Variants in SLC25A26 observed in about 807,000 individuals in gnomAD.
SLC25A26 encodes the protein mitochondrial S-adenosylmethionine carrier protein.
Under a neutral mutation model 37.8 loss-of-function variants are expected in SLC25A26, and 36 were observed. That is an observed-to-expected ratio of 0.95 (90% CI 0.73 to 1.26). The LOEUF (loss-of-function observed/expected upper bound fraction) is 1.26, where lower values mean the gene tolerates loss of function less well. Among genes scored for constraint, SLC25A26 ranks in the 50% most tolerant of loss-of-function variants. The pLI, the probability that SLC25A26 is intolerant of heterozygous loss-of-function variation, is 0.00. For synonymous variants in SLC25A26, 129 were observed against 122.5 expected (o/e 1.05, Z -0.35); for missense variants, 390 against 331.1 (o/e 1.18, Z -1.38).
chr3:66,377,512 AGTT>A (rs1201733538), intron 9 of SLC25A26, among the ~76,000 whole-genome samples, 175 bp from the exon 10 acceptor site: 1 of 151,970 alleles, frequency 6.6e-6, no homozygotes, highest in Non-Finnish European at 1.5e-5. Context: ...ATGGCATGAA[AGTT>A]TTAGAACTAC....
intron 1 of SLC25A26, among the ~76,000 whole-genome samples, chr3:66,194,024 A>G (rs2070995819): frequency 1.3e-5 from 2 of 152,212 alleles, no homozygotes; most frequent in African/African-American, 4.8e-5. Flanking sequence ...TAAAGGAACG[A>G]TAAGTTGACA....
intron 5 of SLC25A26, among the ~76,000 whole-genome samples, chr3:66,307,691 G>A (rs745367068): frequency 6.6e-6 from 1 of 152,208 alleles, no homozygotes; most frequent in Non-Finnish European, 1.5e-5. Flanking sequence ...GTATAAGGAA[G>A]GGGTCCAGTT....
intron 5 of SLC25A26, among the ~76,000 whole-genome samples, chr3:66,290,546 G>C (rs1034763543): frequency 5.3e-5 from 8 of 152,142 alleles, no homozygotes; most frequent in African/African-American, 1.9e-4. Flanking sequence ...TTTTATTGAA[G>C]GCCTTTTCTG....
intron 5 of SLC25A26, among the ~76,000 whole-genome samples, chr3:66,343,230 G>T (rs765472681): frequency 6.6e-6 from 1 of 152,196 alleles, no homozygotes; most frequent in Non-Finnish European, 1.5e-5. Flanking sequence ...TCTTTCACAT[G>T]TGTGGAACAC....
At chr3:66,365,196 C>T (rs561752292) in intron 7 of SLC25A26, among the ~76,000 whole-genome samples, 31 of 152,314 alleles carry the variant, frequency 2.0e-4, no homozygotes, top group African/African-American at 5.1e-4. Context: ...GCCATAAAAG[C>T]AGTGATGAAA....
At chr3:66,208,442 C>T (rs2071209128) in intron 1 of SLC25A26, among the ~76,000 whole-genome samples, 1 of 151,818 alleles carries the variant, frequency 6.6e-6, no homozygotes, top group South Asian at 2.1e-4. Flanking sequence ...AAGAGATTGC[C>T]ACATGGATTT....
At position 66,363,663 on chromosome 3, in the gene SLC25A26, G is replaced by A. The variant is rs556883456; in HGVS notation, c.568+734G>A. 8.5e-5 allele frequency among the ~76,000 whole-genome samples: 13 copies of A among 152,316 alleles called. No individual in the cohort carries two copies. The East Asian group carries it at 1.2e-3, about 14-fold the overall frequency. Reference sequence around the variant, plus strand: ...TATAGTTGAAATACAATGGAAATTTGCCAGAAAAGGAAACTTTTAGTTGAG... The same window carrying A: ...TATAGTTGAAATACAATGGAAATTTACCAGAAAAGGAAACTTTTAGTTGAG... On this transcript the variant is annotated intron_variant, in intron 7 of 9. Coordinates refer to ENST00000354883, the MANE Select transcript of SLC25A26 (RefSeq NM_001379210.1).
At chr3:66,209,065 TACACACACACACCC>T (rs2071230901) in intron 1 of SLC25A26, among the ~76,000 whole-genome samples, 19 of 27,738 alleles carry the variant, frequency 6.8e-4, no homozygotes, top group South Asian at 2.2e-3. Context: ...TATATATATA[TACACACACACACCC>T]ATATAAAGAT....
At chr3:66,290,492 A>G (rs2074668171) in intron 5 of SLC25A26, among the ~76,000 whole-genome samples, 1 of 152,178 alleles carries the variant, frequency 6.6e-6, no homozygotes, top group South Asian at 2.1e-4. Context: ...ACGTCCCATC[A>G]ATGCCTGGTT....
chr3:66,305,498 G>A (rs2107577530), intron 5 of SLC25A26, among the ~76,000 whole-genome samples: 1 of 152,220 alleles, frequency 6.6e-6, no homozygotes, highest in Non-Finnish European at 1.5e-5. Context: ...TGTAGGATAT[G>A]CAGCTTTGTT....
At chr3:66,232,272 C>T (rs370100952) in intron 1 of SLC25A26, among the ~76,000 whole-genome samples, 83 of 152,076 alleles carry the variant, frequency 5.5e-4, no homozygotes, top group African/African-American at 1.9e-3. Flanking sequence ...TTGATAATGA[C>T]AGAGAATCAT....
At chr3:66,230,391 G>GACTCTA in intron 1 of SLC25A26, among the ~76,000 whole-genome samples, 1 of 152,178 alleles carries the variant, frequency 6.6e-6, no homozygotes, top group African/African-American at 2.4e-5. Context: ...ATGTGGCATT[G>GACTCTA]GGTTGCAGCT....
chr3:66,156,960 T>A (rs1180049653), intron 1 of SLC25A26, among the ~76,000 whole-genome samples: 3 of 152,158 alleles, frequency 2.0e-5, no homozygotes, highest in Non-Finnish European at 4.4e-5. Flanking sequence ...TGGCCGGGCA[T>A]GGTAGCTCAC....
intron 1 of SLC25A26, among the ~76,000 whole-genome samples, chr3:66,211,949 ACT>A (rs2071289635): frequency 6.6e-6 from 1 of 152,104 alleles, no homozygotes; most frequent in African/African-American, 2.4e-5. Flanking sequence ...CCCAACTGAT[ACT>A]CTGTAACAAT....
Position 66,377,871 on chromosome 3 carries a change from G to A in SLC25A26, c.*64G>A, listed in dbSNP as rs1204856630. The A allele has an allele frequency of 1.6e-5, 19 of 1,216,924 alleles. No individual in the cohort carries two copies. The highest frequency in any genetic ancestry group is 1.9e-5 in the Non-Finnish European group (16 of 823,748). The allele number at this position is 1,216,924 out of a possible 1,614,324, so 75.4% of individuals were successfully genotyped here. A position where few individuals can be genotyped will look rare whatever the true frequency, so the allele number is the denominator to read the frequency against. On this transcript the variant is annotated 3_prime_UTR_variant, in exon 10 of 10. Transcript: ENST00000354883. ...GGGCCTGCAGTGCAAACCCTCTTCC[G>A]CTGAGCAGCTGTCTGAACTATAGGC...
chr3:66,378,059 TAAATA>T lies in SLC25A26; in HGVS notation c.*254_*258del, dbSNP rs1700781064. On this transcript the variant is annotated 3_prime_UTR_variant, in exon 10 of 10. Coordinates refer to ENST00000354883, the MANE Select transcript of SLC25A26 (RefSeq NM_001379210.1). ...GAACAATTTCCTCAGAACCTCTTAA[TAAATA>T]AGTTTGGTAATGCTGAGGCCAGGCC... The T allele has an allele frequency of 1.8e-5, 7 of 385,558 alleles. No homozygotes were observed. The highest frequency in any genetic ancestry group is 3.3e-5 in the Non-Finnish European group (7 of 213,740). The allele number at this position is 385,558 out of a possible 1,614,324, so 23.9% of individuals were successfully genotyped here. A position where few individuals can be genotyped will look rare whatever the true frequency, so the allele number is the denominator to read the frequency against.
At chr3:66,219,352 T>C (rs2071410465), upstream of SLC25A26, among the ~76,000 whole-genome samples, 1 of 152,186 alleles carries the variant, frequency 6.6e-6, no homozygotes, top group African/African-American at 2.4e-5. Context: ...ATTACCACCA[T>C]GATTATGTTG....
intron 4 of SLC25A26, among the ~76,000 whole-genome samples, chr3:66,262,670 A>G (rs1034064539): frequency 1.3e-5 from 2 of 152,188 alleles, no homozygotes; most frequent in Non-Finnish European, 2.9e-5. Flanking sequence ...TTTTAAAAAG[A>G]CATGAGAATC....
At chr3:66,266,507 G>C (rs899971689) in intron 5 of SLC25A26, among the ~76,000 whole-genome samples, 4 of 150,192 alleles carry the variant, frequency 2.7e-5, no homozygotes, top group Non-Finnish European at 4.4e-5. Context: ...ATTAGAATGA[G>C]ATTGAAGTTT....
Sources: gnomAD v4.1 joint callset for allele counts (sites outside exome capture counted in the v4.1 genomes callset) on GRCh38, gnomAD v4.1.1 for gene constraint, MANE v1.5 for transcripts, NCBI Gene and HGNC (gene_info 2026-07-23, HGNC 2026-07-21) for gene names.